The following UBE4A variants were observed in gnomAD, a reference collection of about 807,000 sequenced individuals.
UBE4A encodes ubiquitin conjugation factor E4 A.
In UBE4A, 48 loss-of-function variants were observed where a neutral mutation model predicts 117.9. The observed-to-expected ratio is 0.41, with a 90% CI of 0.32 to 0.52. The LOEUF (loss-of-function observed/expected upper bound fraction) is 0.52, where lower values mean the gene tolerates loss of function less well. UBE4A is among the 20% of genes least tolerant of loss of function. The pLI is 0.33. For synonymous variants in UBE4A, 407 were observed against 450.0 expected, an observed-to-expected ratio of 0.90 and a Z score of 1.21; for missense variants, 1,067 against 1,296.3, an observed-to-expected ratio of 0.82 and a Z score of 2.72.
At chr11:118,366,183 A>T (rs1035983297) in intron 2 of UBE4A, among the ~76,000 whole-genome samples, 1 of 152,160 alleles carries the variant, frequency 6.6e-6, no homozygotes, top group African/African-American at 2.4e-5. Flanking sequence ...AACAAAATCA[A>T]TGTTGATTTT....
chr11:118,366,517 A>G (rs558252092), intron 2 of UBE4A, among the ~76,000 whole-genome samples: 14 of 152,148 alleles, frequency 9.2e-5, no homozygotes, highest in Non-Finnish European at 1.5e-4. Flanking sequence ...TTCTGTTACT[A>G]TTTTGGCACC....
At chr11:118,367,153 TCA>T (rs1948570235) in intron 2 of UBE4A, among the ~76,000 whole-genome samples, 1 of 146,890 alleles carries the variant, frequency 6.8e-6, no homozygotes, top group African/African-American at 2.5e-5. Context: ...TGAGCCGAGA[TCA>T]CACCACTGCA....
rs1208398302 is a variant in UBE4A, at chr11:118,398,566, G to A, written c.*2126G>A. The A allele has an allele frequency of 6.5e-6, 1 of 152,690 alleles. No homozygotes were observed. The allele number at this position is 152,690 out of a possible 1,614,324, so 9.5% of individuals were successfully genotyped here. ...AAGTTATCTTGGTACAACACCGTGT[G>A]TATATACACTTGGAAGCTTAAAAAG... On this transcript the variant is annotated 3_prime_UTR_variant, in exon 20 of 20. Transcript: ENST00000252108.
At chr11:118,386,655 C>T in intron 16 of UBE4A, 43 bp downstream of exon 16, 1 of 1,481,632 alleles carries the variant, frequency 6.7e-7, no homozygotes, top group Non-Finnish European at 8.9e-7. Context: ...AAGTAATGGC[C>T]AAGATCAGCT....
chr11:118,382,588 G>A lies in UBE4A; in HGVS notation c.2010-1G>A, dbSNP rs782525633. ...CATCTTGCTTTTTGCCCATTTTGCA[G>A]AATGAAGAATCCCCACCTGAGGGCC... On this transcript the variant is annotated splice_acceptor_variant, in intron 12 of 19. Transcript: ENST00000252108. LOFTEE classifies it high-confidence loss of function. 6.5e-7 allele frequency: 1 copy of A among 1,534,508 alleles called. No individual in the cohort carries two copies.
chr11:118,372,177 C>A (rs1948615084), intron 5 of UBE4A, among the ~76,000 whole-genome samples: 1 of 152,164 alleles, frequency 6.6e-6, no homozygotes, highest in Admixed American at 6.5e-5. Context: ...ATCACTTGAA[C>A]CTGGGAGGTG....
intron 1 of UBE4A, among the ~76,000 whole-genome samples, 192 bp downstream of exon 1, chr11:118,359,866 A>T (rs574404604): frequency 2.0e-5 from 3 of 152,198 alleles, no homozygotes; most frequent in African/African-American, 7.2e-5. Context: ...ACAGTGCCCC[A>T]GCTTCTGATG....
chr11:118,365,534 A>G (rs1178956930), intron 2 of UBE4A, among the ~76,000 whole-genome samples: 3 of 152,248 alleles, frequency 2.0e-5, no homozygotes, highest in African/African-American at 4.8e-5. Context: ...AAAGCTATTT[A>G]AATAAATGTT....
In UBE4A at chr11:118,392,971, G is replaced by C. The variant is rs186410982; in HGVS notation, c.3074+76G>C. The C allele has an allele frequency of 1.4e-4, 203 of 1,477,758 alleles. No homozygotes were observed. The African/African-American group carries it at 2.5e-3, about 18-fold the overall frequency. 91.5% of individuals were successfully genotyped at this position (1,477,758 alleles called of 1,614,324 possible). A position where few individuals can be genotyped will look rare whatever the true frequency, so the allele number is the denominator to read the frequency against. ...CTATCTTTTTCTCCCAGGCACCTAAGACAGTACTTTGCACCCAACACATAC... is the reference window on the plus strand; with the variant it reads ...CTATCTTTTTCTCCCAGGCACCTAACACAGTACTTTGCACCCAACACATAC... On this transcript the variant is annotated intron_variant, in intron 19 of 19. Coordinates refer to ENST00000252108, the MANE Select transcript of UBE4A (RefSeq NM_001204077.2).
Position 118,383,673 on chromosome 11 carries a change from C to T in UBE4A, c.2197+897C>T, listed in dbSNP as rs183942653. Among the ~76,000 whole-genome samples the T allele has an allele frequency of 6.6e-5, 10 of 151,640 alleles. No individual in the cohort carries two copies. In the East Asian group the frequency reaches 9.7e-4, roughly 15 times the overall value. ...GCCCCTGTGTTTGTTTAAACAGTACCCTGTCTCAATCAGTAAATAAGATAT... is the reference window on the plus strand; with the variant it reads ...GCCCCTGTGTTTGTTTAAACAGTACTCTGTCTCAATCAGTAAATAAGATAT... On this transcript the variant is annotated intron_variant, in intron 13 of 19. Transcript: ENST00000252108.
chr11:118,393,235 G>A (rs1948835785), intron 19 of UBE4A, among the ~76,000 whole-genome samples: 3 of 151,970 alleles, frequency 2.0e-5, no homozygotes, highest in Admixed American at 2.0e-4. Flanking sequence ...TGGCCAACAT[G>A]GTAAAACCCC....
At position 118,373,125 on chromosome 11, in the gene UBE4A, A is replaced by G; in HGVS notation, c.761A>G (p.Glu254Gly). Residue 254 changes from glutamate to glycine, a missense_variant, in exon 7 of 20, where the codon GAA becomes GGA. Transcript: ENST00000252108. ...DVTEFLEEVI[E>G]ALILDEEVRT... ...ACTGAGTTTCTGGAAGAGGTCATTG[A>G]AGCCTTGATATTGGATGAGGAAGTT... is the stretch of plus-strand genomic sequence containing the variant. 6 of 1,614,118 alleles carry G rather than the reference A, an allele frequency of 3.7e-6. No homozygotes were observed. The highest frequency in any genetic ancestry group is 3.3e-5 in the Admixed American group (2 of 60,032).
rs554603909 is a variant in UBE4A, at chr11:118,385,120, T to C, written c.2412+175T>C. On this transcript the variant is annotated intron_variant, in intron 15 of 19. Coordinates refer to ENST00000252108, the MANE Select transcript of UBE4A (RefSeq NM_001204077.2). ...CACCAAGCTTGTCATTATAGAGCTTTCTAGTTCATTCCATTAGAGACCAAG... is the reference window on the plus strand; with the variant it reads ...CACCAAGCTTGTCATTATAGAGCTTCCTAGTTCATTCCATTAGAGACCAAG... Among the ~76,000 whole-genome samples the C allele has an allele frequency of 4.1e-4, 63 of 152,260 alleles. 2 individuals are homozygous for C. In the South Asian group the frequency reaches 7.3e-3, roughly 18 times the overall value.
chr11:118,393,540 C>T (rs1365168213), intron 19 of UBE4A, among the ~76,000 whole-genome samples: 3 of 152,048 alleles, frequency 2.0e-5, no homozygotes, highest in Non-Finnish European at 4.4e-5. Context: ...TTCAAGCGAT[C>T]CAACCGCCTC....
rs200156353 is a variant in UBE4A at position 118,368,727 on chromosome 11, G to T, written c.218G>T (p.Arg73Leu). ...YSVAEISRSF[R>L]SQQEICEQLN... ...GTGGCTGAGATTAGCCGCTCATTCC[G>T]ATCACAGCAGGAAATATGTGAGCAA... Residue 73 changes from arginine (R) to leucine (L), a missense_variant, in exon 3 of 20, where the codon CGA becomes CTA. Around this residue, in one of 3 missense-constraint regions of UBE4A, gnomAD observed 1,001 missense variants for 1,184.0 expected, o/e 0.85. Coordinates refer to ENST00000252108, the MANE Select transcript of UBE4A (RefSeq NM_001204077.2). 1.2e-6 allele frequency: 2 copies of T among 1,614,062 alleles called. No homozygotes were observed. Among genetic ancestry groups the T allele is most frequent in the African/African-American group, 2.7e-5 (2 of 74,924 alleles).
At chr11:118,375,304 T>G in intron 9 of UBE4A, 75 bp downstream of exon 9, 1 of 1,305,560 alleles carries the variant, frequency 7.7e-7, no homozygotes, top group Non-Finnish European at 1.0e-6. Context: ...TCCCTTATCC[T>G]TTTTCACAGA....
intron 1 of UBE4A, among the ~76,000 whole-genome samples, chr11:118,362,404 A>G (rs918210409): frequency 2.0e-5 from 3 of 152,168 alleles, no homozygotes; most frequent in African/African-American, 7.2e-5. Flanking sequence ...GATCATAAGC[A>G]TGAACCACTG....
intron 11 of UBE4A, among the ~76,000 whole-genome samples, chr11:118,380,222 T>G (rs1948692597): frequency 6.6e-6 from 1 of 150,750 alleles, no homozygotes; most frequent in African/African-American, 2.4e-5. Context: ...TCTAATCAGG[T>G]TATGTGTTCT....
rs1336074101 is a variant in UBE4A, at chr11:118,379,601, C to G, written c.1727C>G (p.Thr576Arg). ...TIYLSTKTAM[T>R]EPQMLQNCLN... Reference sequence around the variant, plus strand: ...TATCTTTCTACCAAGACTGCCATGACAGAGCCACAAATGCTACAAAACTGC... The same window carrying G: ...TATCTTTCTACCAAGACTGCCATGAGAGAGCCACAAATGCTACAAAACTGC... The change falls in exon 11 of 20, where the codon ACA becomes AGA. Residue 576 changes from threonine to arginine, a missense_variant. Coordinates refer to ENST00000252108, the MANE Select transcript of UBE4A (RefSeq NM_001204077.2). The G allele has an allele frequency of 6.2e-7, 1 of 1,614,084 alleles. No individual in the cohort carries two copies. The highest frequency in any genetic ancestry group is 2.2e-5 in the East Asian group (1 of 44,898).
Sources: allele counts gnomAD v4.1 joint callset (sites outside exome capture counted in the v4.1 genomes callset), GRCh38; gene constraint gnomAD v4.1.1; regional missense constraint gnomAD v4.1.1; transcripts MANE v1.5; gene names NCBI Gene and HGNC (gene_info 2026-07-23, HGNC 2026-07-21).